Variants in LINGO2 observed in about 807,000 individuals in gnomAD.
The protein encoded by LINGO2 is leucine-rich repeat and immunoglobulin-like domain-containing nogo receptor-interacting protein 2.
In LINGO2, 14 loss-of-function variants were observed where a neutral mutation model predicts 30.6. That is an observed-to-expected ratio of 0.46 (90% CI 0.30 to 0.72). The LOEUF (loss-of-function observed/expected upper bound fraction) is 0.72, where lower values mean the gene tolerates loss of function less well. Ranked by LOEUF, LINGO2 falls within the 30% of genes least tolerant of loss-of-function variation. LINGO2 has a pLI of 0.07. For synonymous variants in LINGO2, 317 were observed against 288.5 expected (o/e 1.10, Z -1.00); for missense variants, 729 against 751.7 (o/e 0.97, Z 0.35).
At chr9:28,902,623 T>C in the LINGO2 span, among the ~76,000 whole-genome samples, 1 of 152,104 alleles carries the variant, frequency 6.6e-6, no homozygotes, top group Non-Finnish European at 1.5e-5. Context: ...TCAGCATAGA[T>C]AATACACTGG....
At chr9:28,774,687 G>C in the LINGO2 span, among the ~76,000 whole-genome samples, 1 of 152,024 alleles carries the variant, frequency 6.6e-6, no homozygotes, top group Non-Finnish European at 1.5e-5. Context: ...TCCACAGGGA[G>C]GATAGCTAAT....
chr9:28,032,186 C>T (rs1022100700), intron 4 of LINGO2, among the ~76,000 whole-genome samples: 4 of 151,798 alleles, frequency 2.6e-5, no homozygotes, highest in Admixed American at 6.6e-5. Context: ...CAATTCCACA[C>T]AGGATCTAAT....
the LINGO2 span, among the ~76,000 whole-genome samples, chr9:28,719,461 C>T: frequency 1.2e-4 from 18 of 152,144 alleles, no homozygotes; most frequent in East Asian, 3.5e-3. Context: ...CAGCTCCTCC[C>T]AAACTCATCA....
the LINGO2 span, among the ~76,000 whole-genome samples, chr9:29,010,609 C>T: frequency 6.6e-6 from 1 of 152,108 alleles, no homozygotes; most frequent in African/African-American, 2.4e-5. Context: ...TAAAATACAA[C>T]ATCAATTTTT....
At chr9:28,226,409 A>G (rs932007417) in intron 4 of LINGO2, among the ~76,000 whole-genome samples, 1 of 151,922 alleles carries the variant, frequency 6.6e-6, no homozygotes, top group African/African-American at 2.4e-5. Flanking sequence ...TACCTCCATT[A>G]CAGTATGTTA....
At chr9:28,497,829 G>A (rs1819703192) in intron 1 of LINGO2, among the ~76,000 whole-genome samples, 1 of 152,104 alleles carries the variant, frequency 6.6e-6, no homozygotes, top group African/African-American at 2.4e-5. Flanking sequence ...TGTACAGATG[G>A]GGTTTTGGTG....
At chr9:28,813,109 A>T in the LINGO2 span, among the ~76,000 whole-genome samples, 10 of 151,448 alleles carry the variant, frequency 6.6e-5, no homozygotes, top group South Asian at 2.1e-3. Flanking sequence ...ATCATCACGT[A>T]GATTGTCTAA....
intron 2 of LINGO2, among the ~76,000 whole-genome samples, chr9:28,405,758 G>C (rs1822481518): frequency 1.3e-5 from 2 of 152,016 alleles, no homozygotes; most frequent in Admixed American, 6.6e-5. Flanking sequence ...TTGGTGTCAG[G>C]GCATTTTTAT....
chr9:29,044,680 T>C, the LINGO2 span, among the ~76,000 whole-genome samples: 2 of 152,018 alleles, frequency 1.3e-5, no homozygotes, highest in African/African-American at 4.8e-5. Flanking sequence ...CATATTCAAG[T>C]AACCTAAATT....
chr9:28,238,814 A>G (rs1405179281), intron 4 of LINGO2, among the ~76,000 whole-genome samples: 3 of 51,026 alleles, frequency 5.9e-5, no homozygotes, highest in African/African-American at 3.8e-4. Flanking sequence ...ATAAATTTGA[A>G]ATGAAAATAA....
chr9:29,204,779 A>T, the LINGO2 span, among the ~76,000 whole-genome samples: 261 of 152,258 alleles, frequency 1.7e-3, no homozygotes, highest in Middle Eastern at 0.02. Flanking sequence ...CTCCTTTCTA[A>T]TCTCTCTGCC....
intron 1 of LINGO2, among the ~76,000 whole-genome samples, chr9:28,579,041 A>G (rs1422876524): frequency 3.0e-5 from 4 of 133,310 alleles, no homozygotes; most frequent in Admixed American, 8.8e-5. Flanking sequence ...TTGAAAATCA[A>G]TATTTAAATC....
chr9:28,457,275 T>C (rs1231838054), intron 2 of LINGO2, among the ~76,000 whole-genome samples: 1 of 152,146 alleles, frequency 6.6e-6, no homozygotes, highest in Non-Finnish European at 1.5e-5. Context: ...GCTAATCACA[T>C]AGTAAAATAA....
the LINGO2 span, among the ~76,000 whole-genome samples, chr9:28,971,621 G>A: frequency 1.3e-5 from 2 of 152,218 alleles, no homozygotes; most frequent in South Asian, 2.1e-4. Context: ...CAGCTCAGCT[G>A]CAATTTACAA....
intron 2 of LINGO2, among the ~76,000 whole-genome samples, chr9:28,458,989 C>T (rs1824965395): frequency 6.8e-6 from 1 of 148,100 alleles, no homozygotes; most frequent in African/African-American, 2.5e-5. Context: ...TATGATTTTG[C>T]ATTACTAAAT....
At chr9:28,560,699 C>T (rs1231823313) in intron 1 of LINGO2, among the ~76,000 whole-genome samples, 1 of 151,946 alleles carries the variant, frequency 6.6e-6, no homozygotes, top group East Asian at 1.9e-4. Context: ...CAGGGTCTCA[C>T]TCTGTCACCC....
the LINGO2 span, among the ~76,000 whole-genome samples, chr9:28,685,872 C>T: frequency 6.6e-6 from 1 of 151,950 alleles, no homozygotes; most frequent in Admixed American, 6.6e-5. Flanking sequence ...TACTCACTTG[C>T]ACCATTATTG....
chr9:29,137,552 TA>T, the LINGO2 span, among the ~76,000 whole-genome samples: 994 of 152,236 alleles, frequency 6.5e-3, 8 homozygotes, highest in South Asian at 0.016. Flanking sequence ...TTTCTTGGAG[TA>T]ACTTCATGAC....
intron 1 of LINGO2, among the ~76,000 whole-genome samples, chr9:28,568,331 G>T (rs1308812026): frequency 6.6e-6 from 1 of 152,038 alleles, no homozygotes; most frequent in Non-Finnish European, 1.5e-5. Flanking sequence ...CTTGTGGGTA[G>T]AGGGTGGGGT....
Sources: gnomAD v4.1 joint callset for allele counts (sites outside exome capture counted in the v4.1 genomes callset) on GRCh38, gnomAD v4.1.1 for gene constraint, MANE v1.5 for transcripts, NCBI Gene and HGNC (gene_info 2026-07-23, HGNC 2026-07-21) for gene names.